The following MYO3A variants were observed in gnomAD, a reference collection of about 807,000 sequenced individuals.
MYO3A encodes the protein myosin-IIIa.
In MYO3A, 180 loss-of-function variants were observed where a neutral mutation model predicts 192.7. The observed-to-expected ratio is 0.93, with a 90% CI of 0.83 to 1.06. The LOEUF (loss-of-function observed/expected upper bound fraction) is 1.06. Among genes scored for constraint, MYO3A ranks in the 50% least tolerant of loss-of-function variants. The pLI is 0.00. For synonymous variants in MYO3A, 628 were observed against 645.3 expected (o/e 0.97, Z 0.41); for missense variants, 1,896 against 1,905.0 (o/e 1.00, Z 0.09).
chr10:26,100,315 G>A (rs1295497798), intron 17 of MYO3A, among the ~76,000 whole-genome samples: 1 of 152,030 alleles, frequency 6.6e-6, no homozygotes, highest in Non-Finnish European at 1.5e-5. Context: ...TATTAGTGTT[G>A]CTAGCGGTCT....
chr10:26,156,938 T>G (rs775244940), intron 25 of MYO3A, among the ~76,000 whole-genome samples: 1 of 152,198 alleles, frequency 6.6e-6, no homozygotes, highest in South Asian at 2.1e-4. Context: ...AATTAATATA[T>G]AAGAAGGATT....
intron 31 of MYO3A, among the ~76,000 whole-genome samples, chr10:26,191,719 G>A (rs1167315219): frequency 6.6e-6 from 1 of 152,176 alleles, no homozygotes; most frequent in East Asian, 1.9e-4. Flanking sequence ...TAGTGGGCTG[G>A]TCAGGGAACT....
intron 2 of MYO3A, among the ~76,000 whole-genome samples, chr10:25,948,054 T>G (rs1187351718): frequency 6.6e-6 from 1 of 152,102 alleles, no homozygotes; most frequent in East Asian, 1.9e-4. Context: ...GTAAGTAAGA[T>G]GATCAGGGTG....
At chr10:26,019,657 G>A (rs1465867427) in intron 7 of MYO3A, among the ~76,000 whole-genome samples, 1 of 152,170 alleles carries the variant, frequency 6.6e-6, no homozygotes, top group Non-Finnish European at 1.5e-5. Flanking sequence ...ATATGGCCCT[G>A]TGTCTGGCTT....
intron 6 of MYO3A, among the ~76,000 whole-genome samples, chr10:26,006,239 G>C (rs930730197): frequency 6.6e-5 from 10 of 151,976 alleles, no homozygotes; most frequent in South Asian, 2.1e-4. Context: ...GCAGTGTGTA[G>C]AGGGAAATTT....
chr10:25,937,882 T>C (rs951441047), intron 2 of MYO3A, among the ~76,000 whole-genome samples: 2 of 152,232 alleles, frequency 1.3e-5, no homozygotes, highest in African/African-American at 4.8e-5. Flanking sequence ...AGGTCTGTTT[T>C]AAACTATACT....
rs1454847274 is a variant in MYO3A, at chr10:26,096,388, A to G, written c.1570A>G (p.Lys524Glu). ...SRVIHQAIGE[K>E]NFHIFYYIYA... is the part of the protein sequence containing the mutation. The stretch of plus-strand genomic sequence containing the variant: ...AAATATCTTTTTTTCCAGTGGAGAA[A>G]AAAATTTTCATATTTTTTACTACAT... Residue 524 changes from lysine to glutamate, a missense_variant, in exon 16 of 35, where the codon AAA (lysine) becomes GAA (glutamate). By Grantham distance (56) the Lys-to-Glu change is moderately conservative. Coordinates refer to ENST00000642920, the MANE Select transcript of MYO3A (RefSeq NM_017433.5). 1.9e-6 allele frequency: 3 copies of G among 1,609,688 alleles called. No homozygotes were observed. In the African/African-American group the frequency reaches 4.0e-5, roughly 22 times the overall value.
chr10:26,020,643 A>G (rs1276762204), intron 7 of MYO3A, among the ~76,000 whole-genome samples: 3 of 152,238 alleles, frequency 2.0e-5, no homozygotes, highest in Non-Finnish European at 4.4e-5. Flanking sequence ...AATTTTAAAA[A>G]TGCAAAAAAT....
intron 14 of MYO3A, among the ~76,000 whole-genome samples, chr10:26,084,741 C>G (rs1179168954): frequency 3.3e-5 from 5 of 152,188 alleles, no homozygotes; most frequent in African/African-American, 4.8e-5. Flanking sequence ...TGGCTTCAAG[C>G]TGTCCTCCCA....
At chr10:26,102,156 A>G (rs1344683985) in intron 17 of MYO3A, among the ~76,000 whole-genome samples, 1 of 152,118 alleles carries the variant, frequency 6.6e-6, no homozygotes, top group Non-Finnish European at 1.5e-5. Flanking sequence ...TTGATCTTCA[A>G]TCACTGATAC....
chr10:26,160,645 TA>T (rs981290488), intron 26 of MYO3A, among the ~76,000 whole-genome samples: 17 of 151,174 alleles, frequency 1.1e-4, no homozygotes, highest in Non-Finnish European at 2.4e-4. Flanking sequence ...ACCCTATCTC[TA>T]AAAAAAATGA....
intron 10 of MYO3A, among the ~76,000 whole-genome samples, chr10:26,061,054 G>C (rs535022624): frequency 6.6e-6 from 1 of 151,976 alleles, no homozygotes; most frequent in East Asian, 1.9e-4. Flanking sequence ...TCAGCCTCCT[G>C]AGTAGCTGGG....
chr10:26,072,615 G>A (rs1369196863), intron 14 of MYO3A, among the ~76,000 whole-genome samples: 2 of 151,948 alleles, frequency 1.3e-5, no homozygotes, highest in Non-Finnish European at 2.9e-5. Context: ...TGAGAGGCCT[G>A]AAGGTGGTTC....
At chr10:26,189,044 T>TG (rs1277527859) in intron 31 of MYO3A, among the ~76,000 whole-genome samples, 1 of 141,550 alleles carries the variant, frequency 7.1e-6, no homozygotes, top group African/African-American at 2.6e-5. Flanking sequence ...GGTAGCTTGA[T>TG]GGGGATGGCA....
chr10:26,184,449 AATATTTGATTTAGACATGTG>A (rs1842768801), intron 31 of MYO3A, among the ~76,000 whole-genome samples: 1 of 152,214 alleles, frequency 6.6e-6, no homozygotes, highest in Admixed American at 6.5e-5. Flanking sequence ...CTGTTCTGCT[AATATTTGATTTAGACATGTG>A]ATATTTCTGC....
chr10:26,195,275 A>T (rs551412607), intron 32 of MYO3A, among the ~76,000 whole-genome samples: 1 of 152,268 alleles, frequency 6.6e-6, no homozygotes, highest in South Asian at 2.1e-4. Context: ...CATCTTCCAT[A>T]TTCAAAAATC....
intron 4 of MYO3A, among the ~76,000 whole-genome samples, chr10:25,957,934 GTTGT>G (rs1837663963): frequency 6.6e-6 from 1 of 152,020 alleles, no homozygotes; most frequent in African/African-American, 2.4e-5. Context: ...TTTTAATGAG[GTTGT>G]TTGTTTTTTC....
intron 17 of MYO3A, among the ~76,000 whole-genome samples, chr10:26,110,714 G>A (rs1163229494): frequency 6.6e-6 from 1 of 152,014 alleles, no homozygotes; most frequent in African/African-American, 2.4e-5. Flanking sequence ...CCTTGTACAT[G>A]CCATGAGGTC....
chr10:25,947,431 A>G (rs144363867), intron 2 of MYO3A, among the ~76,000 whole-genome samples: 6,537 of 114,006 alleles, frequency 0.057, 190 homozygotes, highest in Non-Finnish European at 0.073. Flanking sequence ...TTTGCTCTTG[A>G]TACCCAGGCT....
Sources: gnomAD v4.1 joint callset for allele counts (sites outside exome capture counted in the v4.1 genomes callset) on GRCh38, gnomAD v4.1.1 for gene constraint, MANE v1.5 for transcripts, NCBI Gene and HGNC (gene_info 2026-07-23, HGNC 2026-07-21) for gene names.